The following GABRB2 variants were observed in gnomAD, a reference collection of about 807,000 sequenced individuals.
The protein encoded by GABRB2 is gamma-aminobutyric acid receptor subunit beta-2.
A neutral mutation model predicts 54.7 loss-of-function variants in GABRB2; 16 were observed. That is an observed-to-expected ratio of 0.29 (90% CI 0.20 to 0.44). The LOEUF (loss-of-function observed/expected upper bound fraction) is 0.44. Ranked by LOEUF, GABRB2 falls within the 20% of genes least tolerant of loss-of-function variation. The probability of loss-of-function intolerance (pLI) is 1.00; values close to 1 mark genes in which losing one functional copy is unlikely to be tolerated. For synonymous variants in GABRB2, 244 were observed against 233.8 expected, an observed-to-expected ratio of 1.04 and a Z score of -0.40; for missense variants, 355 against 644.0, an observed-to-expected ratio of 0.55 and a Z score of 4.86.
chr5:161,471,805 C>T (rs987655683), intron 3 of GABRB2, among the ~76,000 whole-genome samples: 4 of 151,894 alleles, frequency 2.6e-5, no homozygotes, highest in East Asian at 1.9e-4. Context: ...ATGATTTATT[C>T]GCTATCAATT....
rs114962773 is a variant in GABRB2 at position 161,453,258 on chromosome 5, A to C, written c.458+6366T>G. 7.9e-3 allele frequency among the ~76,000 whole-genome samples: 1,205 copies of C among 152,318 alleles called. 9 individuals are homozygous for C. The highest frequency in any genetic ancestry group is 0.024 in the Middle Eastern group (7 of 294). ...TGGAAATCTCTAAAGAGTTTGGTAA[A>C]TTACAGGAAATATTTAATTTTATAA... On this transcript the variant is annotated intron_variant, in intron 4 of 9. Coordinates refer to ENST00000393959, the MANE Select transcript of GABRB2 (RefSeq NM_001371727.1).
chr5:161,400,295 G>A (rs962190342), intron 5 of GABRB2, among the ~76,000 whole-genome samples: 1 of 152,136 alleles, frequency 6.6e-6, no homozygotes, highest in Non-Finnish European at 1.5e-5. Flanking sequence ...TAAGAAATCT[G>A]CAAATGTGGC....
At chr5:161,346,800 T>A (rs1754330100) in intron 5 of GABRB2, among the ~76,000 whole-genome samples, 1 of 152,156 alleles carries the variant, frequency 6.6e-6, no homozygotes, top group Non-Finnish European at 1.5e-5. Context: ...GTACATTTAA[T>A]TGAAATTATC....
intron 9 of GABRB2, among the ~76,000 whole-genome samples, chr5:161,303,485 A>AATT (rs915200309): frequency 3.3e-5 from 5 of 149,944 alleles, no homozygotes; most frequent in Admixed American, 6.6e-5. Context: ...GACACAAAAT[A>AATT]ATTAATCTGA....
chr5:161,414,386 T>G (rs568471560), intron 4 of GABRB2, among the ~76,000 whole-genome samples: 1 of 152,320 alleles, frequency 6.6e-6, no homozygotes, highest in Non-Finnish European at 1.5e-5. Flanking sequence ...TATTACTACC[T>G]GCTAACGTGT....
intron 4 of GABRB2, among the ~76,000 whole-genome samples, chr5:161,426,989 A>C (rs1757019802): frequency 6.6e-6 from 1 of 152,188 alleles, no homozygotes; most frequent in Non-Finnish European, 1.5e-5. Context: ...ACCAAGATAA[A>C]GAACAGCTGT....
chr5:161,537,903 T>C (rs1170062157), intron 3 of GABRB2, among the ~76,000 whole-genome samples: 1 of 152,012 alleles, frequency 6.6e-6, no homozygotes, highest in African/African-American at 2.4e-5. Context: ...CCTAATACCA[T>C]TTATTTATCC....
At chr5:161,305,674 G>C (rs1757669729) in intron 9 of GABRB2, among the ~76,000 whole-genome samples, 1 of 152,210 alleles carries the variant, frequency 6.6e-6, no homozygotes, top group Non-Finnish European at 1.5e-5. Flanking sequence ...ACTTGCTAAA[G>C]ATTTTTGTAC....
chr5:161,487,852 A>T (rs570185778), intron 3 of GABRB2, among the ~76,000 whole-genome samples: 1 of 151,992 alleles, frequency 6.6e-6, no homozygotes, highest in South Asian at 2.1e-4. Context: ...GTGCTCCTAA[A>T]TTCTTACAAT....
chr5:161,408,118 G>A (rs956872271), intron 5 of GABRB2, among the ~76,000 whole-genome samples: 1 of 151,902 alleles, frequency 6.6e-6, no homozygotes, highest in African/African-American at 2.4e-5. Flanking sequence ...ATTAGACATT[G>A]AGTATCCTTA....
At chr5:161,401,366 T>A (rs915509799) in intron 5 of GABRB2, among the ~76,000 whole-genome samples, 1 of 152,210 alleles carries the variant, frequency 6.6e-6, no homozygotes, top group Non-Finnish European at 1.5e-5. Flanking sequence ...GGGTCCCCTT[T>A]ACATTTTATC....
rs192917211 is a variant in GABRB2, at chr5:161,443,636, C to A, written c.458+15988G>T. ...CAGATTAAAACCTGTTTTTCTCCTG[C>A]TTAGAATTTAGGCAAAGTTCATTTT... is the stretch of plus-strand genomic sequence containing the variant. On this transcript the variant is annotated intron_variant, in intron 4 of 9. Transcript: ENST00000393959. 6.0e-4 allele frequency among the ~76,000 whole-genome samples: 91 copies of A among 152,284 alleles called. 1 individual carries two copies. Among genetic ancestry groups the A allele is most frequent in the Admixed American group, 7.8e-4 (12 of 15,302 alleles).
chr5:161,422,457 T>C (rs1756879012), intron 4 of GABRB2, among the ~76,000 whole-genome samples: 1 of 152,076 alleles, frequency 6.6e-6, no homozygotes, highest in African/African-American at 2.4e-5. Context: ...ATAGGAAAGT[T>C]TTATTAATAA....
intron 8 of GABRB2, among the ~76,000 whole-genome samples, chr5:161,328,651 A>G (rs1310731643): frequency 6.6e-6 from 1 of 152,200 alleles, no homozygotes; most frequent in Admixed American, 6.5e-5. Flanking sequence ...AAATGGAGAA[A>G]CAACTTTGCT....
intron 3 of GABRB2, among the ~76,000 whole-genome samples, chr5:161,528,836 C>T (rs967367725): frequency 6.6e-6 from 1 of 151,646 alleles, no homozygotes; most frequent in African/African-American, 2.4e-5. Context: ...ACAGATTATT[C>T]CCGATCTTAA....
intron 5 of GABRB2, among the ~76,000 whole-genome samples, chr5:161,397,125 A>G (rs955261816): frequency 2.0e-5 from 3 of 152,206 alleles, no homozygotes; most frequent in Non-Finnish European, 4.4e-5. Context: ...CACAATCAAA[A>G]AATTTTATCC....
chr5:161,356,133 AC>A (rs1307702247), intron 5 of GABRB2, among the ~76,000 whole-genome samples: 6 of 152,170 alleles, frequency 3.9e-5, no homozygotes, highest in Non-Finnish European at 8.8e-5. Flanking sequence ...TGTGAAGGCA[AC>A]AGTAAACTAA....
chr5:161,506,486 T>C (rs940912660), intron 3 of GABRB2, among the ~76,000 whole-genome samples: 7 of 152,314 alleles, frequency 4.6e-5, no homozygotes, highest in African/African-American at 1.2e-4. Context: ...TTTCAAGTTT[T>C]ACTCTAAATA....
chr5:161,442,416 T>TC (rs1477692604), intron 4 of GABRB2, among the ~76,000 whole-genome samples: 1 of 152,194 alleles, frequency 6.6e-6, no homozygotes, highest in Admixed American at 6.5e-5. Context: ...GTGCAGAATC[T>TC]TCCACCAGGA....
Sources: allele counts gnomAD v4.1 joint callset (sites outside exome capture counted in the v4.1 genomes callset), GRCh38; gene constraint gnomAD v4.1.1; transcripts MANE v1.5; gene names NCBI Gene and HGNC (gene_info 2026-07-23, HGNC 2026-07-21).